The following PDSS1 variants were observed in gnomAD, a reference collection of about 807,000 sequenced individuals.
The protein encoded by PDSS1 is decaprenyl diphosphate synthase subunit 1.
Under a neutral mutation model 57.5 loss-of-function variants are expected in PDSS1, and 43 were observed. The observed-to-expected ratio is 0.75, with a 90% CI of 0.59 to 0.96. The LOEUF is 0.96. PDSS1 is among the 50% of genes least tolerant of loss of function. PDSS1 has a pLI of 0.00. For missense variants in PDSS1, 438 were observed against 527.8 expected, an observed-to-expected ratio of 0.83 and a Z score of 1.67; for synonymous variants, 175 against 191.3, an observed-to-expected ratio of 0.91 and a Z score of 0.70.
rs1445960397 is a variant in PDSS1 at position 26,720,365 on chromosome 10, G to A, written c.609+6G>A. On this transcript the variant is annotated splice_donor_region_variant and intron_variant, in intron 6 of 11. Coordinates refer to ENST00000376215, the MANE Select transcript of PDSS1 (RefSeq NM_014317.5). The stretch of plus-strand genomic sequence containing the variant: ...AGATCTGGGGTGAAAAGAAGGTATG[G>A]TTTTTTGGTTTTTTTAAAATCTCTC... 1 of 1,594,076 alleles carries A rather than the reference G, an allele frequency of 6.3e-7. No individual in the cohort carries two copies. The highest frequency in any genetic ancestry group is 2.2e-5 in the East Asian group (1 of 44,774).
rs1034001336 is a variant in PDSS1 at position 26,697,786 on chromosome 10, C to A, written c.75C>A (p.Ser25=). Residue 25 remains serine, a synonymous_variant, in exon 1 of 12, where the codon TCC becomes TCA. Transcript: ENST00000376215. The part of the protein sequence containing the change: ...KPAARSPGPG[S]PGRAGPLGPS... ...CGGCGCGGAGCCCCGGGCCCGGCTC[C>A]CCCGGCCGTGCGGGACCGTTGGGGC... 3.1e-6 allele frequency: 4 copies of A among 1,309,644 alleles called. No homozygotes were observed. Among genetic ancestry groups the A allele is most frequent in the Non-Finnish European group, 3.9e-6 (4 of 1,032,958 alleles). The allele number at this position is 1,309,644 out of a possible 1,614,324, so 81.1% of individuals were successfully genotyped here.
intron 6 of PDSS1, among the ~76,000 whole-genome samples, chr10:26,722,024 C>T (rs1300069157): frequency 3.9e-5 from 6 of 152,188 alleles, no homozygotes; most frequent in African/African-American, 1.2e-4. Flanking sequence ...CTTCCTAGCA[C>T]TTCTTTCCTT....
At chr10:26,733,139 A>G (rs1302558970) in intron 8 of PDSS1, among the ~76,000 whole-genome samples, 1 of 152,200 alleles carries the variant, frequency 6.6e-6, no homozygotes, top group African/African-American at 2.4e-5. Flanking sequence ...AAGAAAGCTT[A>G]TAGTCTCTGT....
chr10:26,742,382 G>A (rs1352283505), intron 10 of PDSS1, 115 bp from the exon 11 acceptor site: 8 of 793,144 alleles, frequency 1.0e-5, no homozygotes, highest in Admixed American at 4.0e-5. Context: ...TAGACACTTA[G>A]TTTCATTTTT....
At chr10:26,704,440 A>G (rs1264064259) in intron 2 of PDSS1, among the ~76,000 whole-genome samples, 1 of 152,192 alleles carries the variant, frequency 6.6e-6, no homozygotes, top group Non-Finnish European at 1.5e-5. Context: ...CTTTGGGGGA[A>G]GGGATGGACT....
intron 3 of PDSS1, 86 bp from the exon 4 acceptor site, chr10:26,705,200 G>T: frequency 1.3e-6 from 1 of 773,876 alleles, no homozygotes; most frequent in Admixed American, 1.9e-5. Context: ...TATTTGGGCT[G>T]AATTTTCCGT....
At chr10:26,707,337 A>G (rs913662442) in intron 4 of PDSS1, among the ~76,000 whole-genome samples, 4 of 152,012 alleles carry the variant, frequency 2.6e-5, no homozygotes, top group Admixed American at 6.6e-5. Flanking sequence ...AGGTTTTTGT[A>G]TCTATTGAGA....
Position 26,713,163 on chromosome 10 carries a change from G to A in PDSS1, c.467+3395G>A, listed in dbSNP as rs1835449963. On this transcript the variant is annotated intron_variant, in intron 5 of 11. Transcript: ENST00000376215. ...AAAAATTAGCTGGGCATGGTGGCAC[G>A]CACCTGTCGTCCCAGCTATTCCGGA... is the stretch of plus-strand genomic sequence containing the variant. Among the ~76,000 whole-genome samples, 5 of 96,176 alleles carry A rather than the reference G, an allele frequency of 5.2e-5. 1 individual carries two copies. The South Asian group carries it at 1.1e-3, about 21-fold the overall frequency. 63.1% of individuals were successfully genotyped at this position (96,176 alleles called of 152,430 possible). A position where few individuals can be genotyped will look rare whatever the true frequency, so the allele number is the denominator to read the frequency against.
At chr10:26,737,413 A>G (rs1289456473) in intron 10 of PDSS1, among the ~76,000 whole-genome samples, 1 of 152,158 alleles carries the variant, frequency 6.6e-6, no homozygotes. Flanking sequence ...GGACCTCTGC[A>G]TAGTATCTGT....
At chr10:26,738,556 A>G (rs1836479865) in intron 10 of PDSS1, among the ~76,000 whole-genome samples, 1 of 152,196 alleles carries the variant, frequency 6.6e-6, no homozygotes, top group Non-Finnish European at 1.5e-5. Context: ...TGCTATTGTA[A>G]ACAACATACC....
chr10:26,746,764 AT>A lies in PDSS1; in HGVS notation c.*293del. On this transcript the variant is annotated 3_prime_UTR_variant, in exon 12 of 12. Transcript: ENST00000376215. ...ACTGTTAATATCCACATGTAAGGCC[AT>A]TACACAAATAAATAACCAATGTTAA... 2.3e-6 allele frequency: 1 copy of A among 426,570 alleles called. No individual in the cohort carries two copies. Among genetic ancestry groups the A allele is most frequent in the Non-Finnish European group, 4.4e-6 (1 of 229,618 alleles). The allele number at this position is 426,570 out of a possible 1,614,324, so 26.4% of individuals were successfully genotyped here.
At chr10:26,704,867 C>T (rs1835159580) in intron 3 of PDSS1, 126 bp downstream of exon 3, 5 of 666,186 alleles carry the variant, frequency 7.5e-6, no homozygotes, top group Non-Finnish European at 1.1e-5. Context: ...GAACTGCTGG[C>T]CTCAAGCTAT....
At chr10:26,718,578 T>C (rs550157667) in intron 5 of PDSS1, among the ~76,000 whole-genome samples, 1 of 152,158 alleles carries the variant, frequency 6.6e-6, no homozygotes, top group Admixed American at 6.5e-5. Flanking sequence ...CTGGTCAACA[T>C]GGTGAAACCC....
chr10:26,735,949 G>C (rs1363979224), intron 10 of PDSS1, among the ~76,000 whole-genome samples: 1 of 152,152 alleles, frequency 6.6e-6, no homozygotes, highest in Non-Finnish European at 1.5e-5. Flanking sequence ...CTTGATTATA[G>C]GACTGGACTT....
chr10:26,743,665 A>G (rs1198920917), intron 11 of PDSS1, among the ~76,000 whole-genome samples: 2 of 152,212 alleles, frequency 1.3e-5, no homozygotes, highest in Non-Finnish European at 2.9e-5. Flanking sequence ...GAGGGAAGTT[A>G]ATAGTAGCAC....
At chr10:26,704,083 C>CAAAAAAAAAAAAAA (rs1203931422) in intron 2 of PDSS1, among the ~76,000 whole-genome samples, 2,182 of 30,762 alleles carry the variant, frequency 0.071, 496 homozygotes, top group East Asian at 0.11. Context: ...CTCCGTCTCA[C>CAAAAAAAAAAAAAA]AAAAAAAAAA....
rs1243137674 is a variant in PDSS1 at position 26,705,358 on chromosome 10, G to A, written c.300G>A (p.Trp100Ter). 4.3e-6 allele frequency: 7 copies of A among 1,609,352 alleles called. No homozygotes were observed. The highest frequency in any genetic ancestry group is 6.0e-6 in the Non-Finnish European group (7 of 1,176,194). The change falls in exon 4 of 12, where the codon TGG (tryptophan) becomes TGA (stop). Residue 100 changes from tryptophan to a stop codon, truncating the protein, a stop_gained. Transcript: ENST00000376215. LOFTEE classifies it high-confidence loss of function. ...ACACCGATCCTTTCAAACTCGGTTG[G>A]AGAGACTTGAAAGGTCTGTATGAGG... is the stretch of plus-strand genomic sequence containing the variant. ...EKYTDPFKLG[W>*]RDLKGLYEDI...
intron 5 of PDSS1, chr10:26,717,973 G>A (rs1835648812): frequency 6.6e-6 from 1 of 152,044 alleles, no homozygotes. Context: ...CTCACTGAGG[G>A]ATTCAGGTGG....
At chr10:26,726,663 G>T (rs1835957336) in intron 8 of PDSS1, among the ~76,000 whole-genome samples, 1 of 152,120 alleles carries the variant, frequency 6.6e-6, no homozygotes, top group Non-Finnish European at 1.5e-5. Context: ...TTCTACTAAG[G>T]ATACCATTTC....
Sources: allele counts gnomAD v4.1 joint callset (sites outside exome capture counted in the v4.1 genomes callset), GRCh38; gene constraint gnomAD v4.1.1; transcripts MANE v1.5; gene names NCBI Gene and HGNC (gene_info 2026-07-23, HGNC 2026-07-21).